TBPL1: variants seen among roughly 807,000 people sequenced by gnomAD.
The protein encoded by TBPL1 is TATA-box binding protein like 1.
A neutral mutation model predicts 22.1 loss-of-function variants in TBPL1; 4 were observed. The observed-to-expected ratio is 0.18, with a 90% confidence interval of 0.09 to 0.41. TBPL1 has a LOEUF of 0.41. Ranked by LOEUF, TBPL1 falls within the 10% of genes least tolerant of loss-of-function variation. TBPL1 has a pLI of 1.00. For synonymous variants in TBPL1, 64 were observed against 71.0 expected, an observed-to-expected ratio of 0.90 and a Z score of 0.50; for missense variants, 115 against 222.3, an observed-to-expected ratio of 0.52 and a Z score of 3.07.
At chr6:133,975,245 C>T (rs879380936) in intron 1 of TBPL1, among the ~76,000 whole-genome samples, 1 of 151,930 alleles carries the variant, frequency 6.6e-6, no homozygotes, top group Non-Finnish European at 1.5e-5. Flanking sequence ...TAGGCTACAA[C>T]AGAGACTTTA....
chr6:133,985,303 T>A (rs1367422423), intron 6 of TBPL1, among the ~76,000 whole-genome samples: 3,191 of 23,558 alleles, frequency 0.14, 726 homozygotes, highest in African/African-American at 0.22. Flanking sequence ...AAAAAATATA[T>A]ATATATATAT....
chr6:133,984,042 C>G (rs983965526), intron 4 of TBPL1, among the ~76,000 whole-genome samples: 1 of 152,108 alleles, frequency 6.6e-6, no homozygotes, highest in African/African-American at 2.4e-5. Context: ...ATGACCTGGA[C>G]TTAAATTTTT....
At position 133,982,647 on chromosome 6, in the gene TBPL1, C is replaced by A. The variant is rs41286222; in HGVS notation, c.215C>A (p.Thr72Lys). 2.4e-3 allele frequency: 3,868 copies of A among 1,612,672 alleles called. 4 individuals carry two copies. Among genetic ancestry groups the A allele is most frequent in the Non-Finnish European group, 2.9e-3 (3,416 of 1,179,506 alleles). ...GGAAAAATTATTTGCACTGGAGCAA[C>A]AAGGTAAATGCTACTTGGGTTTTTT... ...SSGKIICTGA[T>K]SEEEAKFGAR... The change falls in exon 3 of 7, where the codon ACA (threonine) becomes AAA (lysine). Residue 72 changes from threonine to lysine, a missense_variant. Thr to Lys is a moderately conservative substitution (Grantham distance 78). Transcript: ENST00000237264.
At chr6:133,979,027 A>G (rs1322638851) in intron 1 of TBPL1, among the ~76,000 whole-genome samples, 1 of 152,220 alleles carries the variant, frequency 6.6e-6, no homozygotes, top group Non-Finnish European at 1.5e-5. Context: ...TCACGTACTT[A>G]GTAAAAACTG....
intron 6 of TBPL1, among the ~76,000 whole-genome samples, chr6:133,985,348 A>G (rs1329540412): frequency 7.9e-6 from 1 of 126,102 alleles, no homozygotes; most frequent in Non-Finnish European, 1.6e-5. Flanking sequence ...ACACACATAT[A>G]TTTTCTGGTA....
In TBPL1 at chr6:133,988,280, C is replaced by T. The variant is rs1776566894; in HGVS notation, c.*1240C>T. 6.6e-6 allele frequency: 1 copy of T among 152,180 alleles called. No individual in the cohort carries two copies. Among genetic ancestry groups the T allele is most frequent in the African/African-American group, 2.4e-5 (1 of 41,456 alleles). 9.4% of individuals were successfully genotyped at this position (152,180 alleles called of 1,614,324 possible). On this transcript the variant is annotated 3_prime_UTR_variant, in exon 7 of 7. Transcript: ENST00000237264. ...CATTTATGAAACAGTGTCTCTGGCT[C>T]ACCCAGGAGCCCTGATGTGGTAATA...
At chr6:133,971,247 T>C (rs749857243) in intron 1 of TBPL1, among the ~76,000 whole-genome samples, 1 of 152,168 alleles carries the variant, frequency 6.6e-6, no homozygotes, top group Non-Finnish European at 1.5e-5. Context: ...CCAGGTTCAC[T>C]AACGTCACAA....
rs1776548175 is a variant in TBPL1 at position 133,987,478 on chromosome 6, A to T, written c.*438A>T. The T allele has an allele frequency of 6.6e-6, 1 of 152,620 alleles. No individual in the cohort carries two copies. Among genetic ancestry groups the T allele is most frequent in the Non-Finnish European group, 1.5e-5 (1 of 68,040 alleles). The allele number at this position is 152,620 out of a possible 1,614,324, so 9.5% of individuals were successfully genotyped here. A position where few individuals can be genotyped will look rare whatever the true frequency, so the allele number is the denominator to read the frequency against. On this transcript the variant is annotated 3_prime_UTR_variant, in exon 7 of 7. Transcript: ENST00000237264. The stretch of plus-strand genomic sequence containing the variant: ...TTTCAATTGAATGTGCACAAATAAA[A>T]GTTTGGAAAAGATCTCTCTTCATTC...
intron 4 of TBPL1, 47 bp from the exon 5 acceptor site, chr6:133,984,329 T>G (rs1289507892): frequency 6.9e-7 from 1 of 1,449,650 alleles, no homozygotes; most frequent in African/African-American, 1.4e-5. Flanking sequence ...GATTTTTTGT[T>G]TGTTTGTTTC....
intron 1 of TBPL1, among the ~76,000 whole-genome samples, chr6:133,963,127 C>T (rs181557745): frequency 6.6e-6 from 1 of 152,236 alleles, no homozygotes; most frequent in African/African-American, 2.4e-5. Flanking sequence ...GGTTTAAAAG[C>T]ATGAAGTGGA....
intron 1 of TBPL1, among the ~76,000 whole-genome samples, chr6:133,977,876 T>G (rs1776341855): frequency 6.6e-6 from 1 of 152,220 alleles, no homozygotes; most frequent in Non-Finnish European, 1.5e-5. Context: ...ATATCCAACC[T>G]CTAGACAGCA....
At chr6:133,979,807 C>T (rs957518067) in intron 1 of TBPL1, among the ~76,000 whole-genome samples, 1 of 151,922 alleles carries the variant, frequency 6.6e-6, no homozygotes, top group South Asian at 2.1e-4. Context: ...CCATCATGCC[C>T]GGCTAATTTT....
intron 2 of TBPL1, among the ~76,000 whole-genome samples, chr6:133,980,545 G>A (rs974719473): frequency 6.6e-6 from 1 of 151,752 alleles, no homozygotes; most frequent in Non-Finnish European, 1.5e-5. Flanking sequence ...CTTTATATTC[G>A]CACATGTACC....
chr6:133,957,148 A>G (rs753475000), intron 1 of TBPL1, among the ~76,000 whole-genome samples: 2 of 152,180 alleles, frequency 1.3e-5, no homozygotes, highest in Non-Finnish European at 2.9e-5. Flanking sequence ...GAAGCATGCT[A>G]TGGATCCCAT....
chr6:133,972,938 C>T (rs898754655), intron 1 of TBPL1, among the ~76,000 whole-genome samples: 3 of 152,056 alleles, frequency 2.0e-5, no homozygotes, highest in East Asian at 1.9e-4. Flanking sequence ...ATTTAGAGAG[C>T]GGTTAGGTAA....
Position 133,986,983 on chromosome 6 carries a change from T to C in TBPL1, c.504T>C (p.Ala168=). ...TVTGPNVKAV[A]TAVEQIYPFV... The stretch of plus-strand genomic sequence containing the variant: ...CAGGGCCCAATGTAAAGGCTGTTGC[T>C]ACTGCTGTGGAACAGATTTACCCAT... Residue 168 remains alanine (A), a synonymous_variant, in exon 7 of 7, where the codon GCT becomes GCC. Transcript: ENST00000237264. 6.2e-7 allele frequency: 1 copy of C among 1,610,382 alleles called. No individual in the cohort carries two copies. Among genetic ancestry groups the C allele is most frequent in the Non-Finnish European group, 8.5e-7 (1 of 1,178,218 alleles).
Position 133,980,611 on chromosome 6 carries a change from T to C in TBPL1, c.135+351T>C, listed in dbSNP as rs573731548. Among the ~76,000 whole-genome samples, 3 of 151,762 alleles carry C rather than the reference T, an allele frequency of 2.0e-5. No homozygotes were observed. In the East Asian group the frequency reaches 5.8e-4, roughly 29 times the overall value. ...TTGAATGATGCCTTAATATATATTA[T>C]AATTTTTATAATATTTTAATTGTCA... On this transcript the variant is annotated intron_variant, in intron 2 of 6. Transcript: ENST00000237264.
intron 2 of TBPL1, among the ~76,000 whole-genome samples, chr6:133,980,659 G>T (rs1776393470): frequency 6.6e-6 from 1 of 151,226 alleles, no homozygotes; most frequent in South Asian, 2.1e-4. Context: ...AAGGTAGATG[G>T]TTTTCTTTCA....
At chr6:133,986,142 A>C in intron 6 of TBPL1, among the ~76,000 whole-genome samples, 1 of 152,160 alleles carries the variant, frequency 6.6e-6, no homozygotes, top group African/African-American at 2.4e-5. Flanking sequence ...GTGGGGGTAA[A>C]GTGAGTCAGG....
Sources: allele counts gnomAD v4.1 joint callset (sites outside exome capture counted in the v4.1 genomes callset), GRCh38; gene constraint gnomAD v4.1.1; transcripts MANE v1.5; gene names NCBI Gene and HGNC (gene_info 2026-07-23, HGNC 2026-07-21).